Variants in MAP3K4 observed in about 807,000 individuals in gnomAD.
The protein encoded by MAP3K4 is MAP three kinase 1.
A neutral mutation model predicts 185.6 loss-of-function variants in MAP3K4; 67 were observed. The observed-to-expected ratio is 0.36, with a 90% confidence interval of 0.30 to 0.44. MAP3K4 has a LOEUF of 0.44. Among genes scored for constraint, MAP3K4 ranks in the 20% least tolerant of loss-of-function variants. The probability of loss-of-function intolerance (pLI) is 1.00; values close to 1 mark genes in which losing one functional copy is unlikely to be tolerated. For missense variants in MAP3K4, 1,551 were observed against 1,995.1 expected (o/e 0.78, Z 4.24); for synonymous variants, 702 against 710.4 (o/e 0.99, Z 0.19).
In MAP3K4 at chr6:161,086,487, G is replaced by T; in HGVS notation, c.2472+9G>T. On this transcript the variant is annotated intron_variant, in intron 8 of 26. Coordinates refer to ENST00000392142, the MANE Select transcript of MAP3K4 (RefSeq NM_005922.4). The surrounding 1 kb of genome is among the most constrained non-coding windows in gnomAD (Gnocchi z 4.8). ...CTAAAATGTTGAGAAAGGTGAGCTT[G>T]CAATCCTGATTAATTAGTACCTTTT... 1 of 1,611,964 alleles carries T rather than the reference G, an allele frequency of 6.2e-7. No homozygotes were observed. Among genetic ancestry groups the T allele is most frequent in the South Asian group, 1.1e-5 (1 of 90,832 alleles).
chr6:161,058,906 AC>A (rs1282630468), intron 3 of MAP3K4, among the ~76,000 whole-genome samples: 10 of 152,278 alleles, frequency 6.6e-5, no homozygotes, highest in Non-Finnish European at 1.5e-5. Context: ...GTAGCCACAG[AC>A]ATTCTTGTAC....
In MAP3K4 at chr6:161,070,977, C is replaced by A; in HGVS notation, c.1950+127C>A. On this transcript the variant is annotated intron_variant, in intron 4 of 26. Transcript: ENST00000392142. This position sits in a 1 kb window ranked among gnomAD's most constrained non-coding sequence, Gnocchi z 4.5. ...AAATAGTGAAAAATGACTGTTTGTC[C>A]ATGGTTTTAAGCTGTATATTTTAGG... 1 of 916,154 alleles carries A rather than the reference C, an allele frequency of 1.1e-6. No homozygotes were observed. The highest frequency in any genetic ancestry group is 1.9e-5 in the South Asian group (1 of 53,474). The allele number at this position is 916,154 out of a possible 1,614,324, so 56.8% of individuals were successfully genotyped here.
rs1277668015 is a variant in MAP3K4 at position 161,102,468 on chromosome 6, C to T, written c.3776-231C>T. ...GCACAGTATTCTGTTGTCTGTTACT[C>T]GTGAAAAGATGAGTGTAGTTAAAAT... On this transcript the variant is annotated intron_variant, in intron 18 of 26. Transcript: ENST00000392142. Among the ~76,000 whole-genome samples, 4 of 152,064 alleles carry T rather than the reference C, an allele frequency of 2.6e-5. No homozygotes were observed. The South Asian group carries it at 6.2e-4, about 24-fold the overall frequency.
rs578130504 is a variant in MAP3K4, at chr6:161,075,223, C to T, written c.2097+1611C>T. On this transcript the variant is annotated intron_variant, in intron 5 of 26. Transcript: ENST00000392142. This position sits in a 1 kb window ranked among gnomAD's most constrained non-coding sequence, Gnocchi z 4.3. ...AGACTGAAACGCAGTGGTGTGTTGA[C>T]GGCTTCCTGTAGTCTCAACCTACTG... Among the ~76,000 whole-genome samples, 6 of 152,308 alleles carry T rather than the reference C, an allele frequency of 3.9e-5. No individual in the cohort carries two copies. The highest frequency in any genetic ancestry group is 3.4e-3 in the Middle Eastern group (1 of 294).
chr6:161,049,938 A>G lies in MAP3K4; in HGVS notation c.1666A>G (p.Arg556Gly), dbSNP rs1484430005. The change falls in exon 3 of 27, where the codon AGG becomes GGG. Residue 556 changes from arginine (R) to glycine (G), a missense_variant. By Grantham distance (125) the Arg-to-Gly change is moderately radical (BLOSUM62 -2). This residue lies in a region of MAP3K4 where 86 missense variants were observed against 81.6 expected (regional missense o/e 1.05). Transcript: ENST00000392142. The surrounding 1 kb of genome is among the most constrained non-coding windows in gnomAD (Gnocchi z 8.4). Reference protein sequence around the residue: ...LHKLMDGSLQRARIALVKNDR... With the variant: ...LHKLMDGSLQGARIALVKNDR... ...CAAGCTAATGGATGGTTCCTTGCAAAGGGCACGTATAGCATTGGTAAAGAA... is the reference window on the plus strand; with the variant it reads ...CAAGCTAATGGATGGTTCCTTGCAAGGGGCACGTATAGCATTGGTAAAGAA... 26 of 1,613,746 alleles carry G rather than the reference A, an allele frequency of 1.6e-5. No homozygotes were observed. The highest frequency in any genetic ancestry group is 1.9e-5 in the Non-Finnish European group (23 of 1,179,866).
chr6:161,091,789 A>C lies in MAP3K4; in HGVS notation c.3136-221A>C, dbSNP rs1390818934. Among the ~76,000 whole-genome samples, 1 of 152,230 alleles carries C rather than the reference A, an allele frequency of 6.6e-6. No individual in the cohort carries two copies. The highest frequency in any genetic ancestry group is 1.5e-5 in the Non-Finnish European group (1 of 68,040). ...AAACTTTAAAGAGATGTTTTATGTC[A>C]TAAAAGCACATTCTTAATTTAAACT... is the stretch of plus-strand genomic sequence containing the variant. On this transcript the variant is annotated intron_variant, in intron 12 of 26. Transcript: ENST00000392142. The surrounding 1 kb of genome is among the most constrained non-coding windows in gnomAD (Gnocchi z 5.5).
intron 3 of MAP3K4, among the ~76,000 whole-genome samples, chr6:161,050,833 C>T (rs1206371447): frequency 6.6e-6 from 1 of 152,164 alleles, no homozygotes. Flanking sequence ...ATACCTTATA[C>T]CCGTGTTAAG....
rs1785584127 is a variant in MAP3K4, at chr6:161,084,076, T to C, written c.2256-425T>C. Among the ~76,000 whole-genome samples, 1 of 152,370 alleles carries C rather than the reference T, an allele frequency of 6.6e-6. No homozygotes were observed. Among genetic ancestry groups the C allele is most frequent in the African/African-American group, 2.4e-5 (1 of 41,592 alleles). Reference sequence around the variant, plus strand: ...TACTCAATGAGAAGGATCAGCCAGATAGAGTGTTTCATGTTTATTGACTAT... The same window carrying C: ...TACTCAATGAGAAGGATCAGCCAGACAGAGTGTTTCATGTTTATTGACTAT... On this transcript the variant is annotated intron_variant, in intron 6 of 26. Coordinates refer to ENST00000392142, the MANE Select transcript of MAP3K4 (RefSeq NM_005922.4). This position sits in a 1 kb window ranked among gnomAD's most constrained non-coding sequence, Gnocchi z 4.6.
At chr6:160,993,013 A>T (rs655375) in intron 1 of MAP3K4, among the ~76,000 whole-genome samples, 14,166 of 152,240 alleles carry the variant, frequency 0.093, 836 homozygotes, top group Non-Finnish European at 0.13. Flanking sequence ...GTCTTGCTCT[A>T]TGGTTCTAGG....
intron 10 of MAP3K4, 23 bp from the exon 11 acceptor site, chr6:161,089,299 C>A: frequency 1.9e-6 from 3 of 1,608,106 alleles, no homozygotes; most frequent in Non-Finnish European, 1.7e-6. Flanking sequence ...GTTTTTATGT[C>A]CTGTGCTTGA....
At chr6:161,069,312 G>C (rs1375119017) in intron 3 of MAP3K4, among the ~76,000 whole-genome samples, 2 of 152,210 alleles carry the variant, frequency 1.3e-5, no homozygotes, top group Admixed American at 1.3e-4. Flanking sequence ...GTGGCATGCT[G>C]TTGGGGGCGA....
intron 1 of MAP3K4, among the ~76,000 whole-genome samples, chr6:161,032,316 A>G (rs1214460449): frequency 6.6e-6 from 1 of 152,220 alleles, no homozygotes; most frequent in Non-Finnish European, 1.5e-5. Flanking sequence ...GCAAGAACTC[A>G]GGTTCCCTCA....
At chr6:161,014,643 G>A (rs1782000372) in intron 1 of MAP3K4, among the ~76,000 whole-genome samples, 1 of 152,134 alleles carries the variant, frequency 6.6e-6, no homozygotes, top group South Asian at 2.1e-4. Flanking sequence ...AAAAAACATT[G>A]TGTCTCTAGG....
chr6:161,073,446 C>CTG lies in MAP3K4; in HGVS notation c.1951-12_1951-11dup. 6.4e-7 allele frequency: 1 copy of CTG among 1,553,334 alleles called. No homozygotes were observed. Among genetic ancestry groups the CTG allele is most frequent in the Non-Finnish European group, 8.7e-7 (1 of 1,148,452 alleles). ...GGTTGGAGTTTATGGCTGCTGGAACCTGTGTGTGTTGTTTTGCAGCTGGTG... is the reference window on the plus strand; with the variant it reads ...GGTTGGAGTTTATGGCTGCTGGAACCTGTGTGTGTGTTGTTTTGCAGCTGGTG... On this transcript the variant is annotated intron_variant, in intron 4 of 26. Transcript: ENST00000392142. This position sits in a 1 kb window ranked among gnomAD's most constrained non-coding sequence, Gnocchi z 4.2.
At position 161,034,162 on chromosome 6, in the gene MAP3K4, C is replaced by A; in HGVS notation, c.153-97C>A. On this transcript the variant is annotated intron_variant, in intron 1 of 26. Coordinates refer to ENST00000392142, the MANE Select transcript of MAP3K4 (RefSeq NM_005922.4). This position sits in a 1 kb window ranked among gnomAD's most constrained non-coding sequence, Gnocchi z 4.4. ...ACAGTGCTGAAGAGATTTTTCTGTA[C>A]AAAAGTTTTACAAAGAATTATTTAA... is the stretch of plus-strand genomic sequence containing the variant. 1 of 1,002,790 alleles carries A rather than the reference C, an allele frequency of 1.0e-6. No individual in the cohort carries two copies. Among genetic ancestry groups the A allele is most frequent in the Non-Finnish European group, 1.4e-6 (1 of 698,004 alleles). 62.1% of individuals were successfully genotyped at this position (1,002,790 alleles called of 1,614,324 possible). A position where few individuals can be genotyped will look rare whatever the true frequency, so the allele number is the denominator to read the frequency against.
rs762008525 is a variant in MAP3K4 at position 161,086,579 on chromosome 6, C to G, written c.2473-5C>G. The G allele has an allele frequency of 1.2e-6, 2 of 1,613,224 alleles. No homozygotes were observed. The highest frequency in any genetic ancestry group is 2.2e-5 in the South Asian group (2 of 90,950). On this transcript the variant is annotated splice_polypyrimidine_tract_variant and splice_region_variant and intron_variant, in intron 8 of 26. Transcript: ENST00000392142. This position sits in a 1 kb window ranked among gnomAD's most constrained non-coding sequence, Gnocchi z 4.8. ...AAAGAAGTTTCTTTGTAACTGTGAT[C>G]CTAGGACCTGGAAATAGCAGCAGAA...
chr6:161,032,448 GTATT>G (rs1323891978), intron 1 of MAP3K4, among the ~76,000 whole-genome samples: 1 of 152,188 alleles, frequency 6.6e-6, no homozygotes, highest in Non-Finnish European at 1.5e-5. Context: ...ATAGGAATAA[GTATT>G]TATAAGTCTA....
intron 1 of MAP3K4, among the ~76,000 whole-genome samples, chr6:160,992,813 C>T (rs1287308594): frequency 6.6e-6 from 1 of 151,868 alleles, no homozygotes; most frequent in African/African-American, 2.4e-5. Flanking sequence ...ATTTTTATGT[C>T]TTTATTTTTT....
rs186278320 is a variant in MAP3K4 at position 161,044,392 on chromosome 6, A to G, written c.344-4224A>G. On this transcript the variant is annotated intron_variant, in intron 2 of 26. Transcript: ENST00000392142. ...AGGAATTTAGTATTAATAGGAAACC[A>G]AAAAACAAGCACACCTGTCCATCAG... Among the ~76,000 whole-genome samples the G allele has an allele frequency of 8.0e-3, 1,224 of 152,362 alleles. 16 individuals carry two copies. The highest frequency in any genetic ancestry group is 0.027 in the African/African-American group (1,143 of 41,582).
Sources: allele counts gnomAD v4.1 joint callset (sites outside exome capture counted in the v4.1 genomes callset), GRCh38; gene constraint gnomAD v4.1.1; regional missense constraint gnomAD v4.1.1; non-coding constraint Gnocchi (gnomAD v3.1); transcripts MANE v1.5; gene names NCBI Gene and HGNC (gene_info 2026-07-23, HGNC 2026-07-21).